Variants in BANP observed in about 807,000 individuals in gnomAD.
BANP encodes the protein protein BANP.
A neutral mutation model predicts 68.1 loss-of-function variants in BANP; 11 were observed. The observed-to-expected ratio is 0.16, with a 90% confidence interval of 0.10 to 0.27. BANP has a LOEUF of 0.27. BANP is among the 10% of genes least tolerant of loss of function. The pLI, the probability that BANP is intolerant of heterozygous loss-of-function variation, is 1.00. For missense variants in BANP, 504 were observed against 722.7 expected (o/e 0.70, Z 3.47); for synonymous variants, 329 against 303.2 (o/e 1.09, Z -0.88).
chr16:88,076,254 C>T (rs1599209748), intron 13 of BANP, among the ~76,000 whole-genome samples: 1 of 152,206 alleles, frequency 6.6e-6, no homozygotes, highest in East Asian at 1.9e-4. Context: ...AGGATGTTCT[C>T]CACTTCCAGG....
At chr16:87,985,281 T>A (rs948124029) in intron 4 of BANP, among the ~76,000 whole-genome samples, 2 of 152,174 alleles carry the variant, frequency 1.3e-5, no homozygotes, top group African/African-American at 4.8e-5. Context: ...CCGGCCGTCT[T>A]CCGAGCTCCG....
Position 88,076,752 on chromosome 16 carries a change from G to C in BANP, c.*91G>C. ...CTCTCACGGCCTCGGCACAGGCAGC[G>C]GCTGCACGTGTTCTGCTGAAGTGCG... On this transcript the variant is annotated 3_prime_UTR_variant, in exon 14 of 14. Transcript: ENST00000682872. 1 of 1,068,600 alleles carries C rather than the reference G, an allele frequency of 9.4e-7. No individual in the cohort carries two copies. Among genetic ancestry groups the C allele is most frequent in the South Asian group, 1.5e-5 (1 of 65,174 alleles). 66.2% of individuals were successfully genotyped at this position (1,068,600 alleles called of 1,614,324 possible).
chr16:88,075,861 C>T (rs2091497361), intron 13 of BANP, among the ~76,000 whole-genome samples: 1 of 151,528 alleles, frequency 6.6e-6, no homozygotes. Context: ...ATTCTCCTAC[C>T]TCAGCTTCCC....
At chr16:88,029,597 CA>C (rs997277270) in intron 8 of BANP, among the ~76,000 whole-genome samples, 2 of 128,604 alleles carry the variant, frequency 1.6e-5, no homozygotes, top group African/African-American at 5.5e-5. Flanking sequence ...GGCTACAGAG[CA>C]AGACTCCGTC....
intron 8 of BANP, among the ~76,000 whole-genome samples, chr16:88,030,554 C>G (rs557246989): frequency 6.6e-6 from 1 of 152,328 alleles, no homozygotes; most frequent in African/African-American, 2.4e-5. Context: ...TGTTATATAA[C>G]CTGACGACTG....
Position 87,985,106 on chromosome 16 carries a change from C to T in BANP, c.362+847C>T, listed in dbSNP as rs556300795. Among the ~76,000 whole-genome samples the T allele has an allele frequency of 1.5e-3, 224 of 152,302 alleles. 2 individuals carry two copies. Among genetic ancestry groups the T allele is most frequent in the South Asian group, 8.5e-3 (41 of 4,832 alleles). ...AAGCCTGGAGGGACTGTTGTGACCT[C>T]GCTGCCCGTGTGTGCTGGTGGCTGG... On this transcript the variant is annotated intron_variant, in intron 4 of 13. Coordinates refer to ENST00000682872, the MANE Select transcript of BANP (RefSeq NM_001386991.1).
At chr16:87,963,639 G>A (rs995086515) in intron 1 of BANP, among the ~76,000 whole-genome samples, 1 of 152,196 alleles carries the variant, frequency 6.6e-6, no homozygotes, top group East Asian at 1.9e-4. Context: ...TATGAAGAAT[G>A]TCTGCCCTAA....
chr16:88,018,116 T>C lies in BANP; in HGVS notation c.656-312T>C, dbSNP rs2075009363. ...CAACTGTGTGCAAGGATATCGGTAT[T>C]GCTGGGGTCCCGGGTCCAGGGTGAG... On this transcript the variant is annotated intron_variant, in intron 6 of 13. Coordinates refer to ENST00000682872, the MANE Select transcript of BANP (RefSeq NM_001386991.1). The surrounding 1 kb of genome is among the most constrained non-coding windows in gnomAD (Gnocchi z 7.7). Among the ~76,000 whole-genome samples, 1 of 152,014 alleles carries C rather than the reference T, an allele frequency of 6.6e-6. No individual in the cohort carries two copies. Among genetic ancestry groups the C allele is most frequent in the Non-Finnish European group, 1.5e-5 (1 of 68,002 alleles).
chr16:87,949,970 C>T (rs865946909), upstream of BANP, among the ~76,000 whole-genome samples: 23 of 151,930 alleles, frequency 1.5e-4, no homozygotes, highest in Middle Eastern at 6.8e-3. Context: ...CTCCGCCTCC[C>T]GGGTTCACGC....
chr16:88,070,467 G>GC (rs2090021625), intron 12 of BANP, among the ~76,000 whole-genome samples: 1 of 152,170 alleles, frequency 6.6e-6, no homozygotes, highest in Admixed American at 6.5e-5. Flanking sequence ...AAATCCCGAG[G>GC]CAGAAGGTCG....
intron 6 of BANP, among the ~76,000 whole-genome samples, chr16:88,010,718 C>T (rs895841130): frequency 3.9e-5 from 6 of 152,274 alleles, no homozygotes; most frequent in Non-Finnish European, 7.3e-5. Context: ...TCACACACAT[C>T]GCAGTCCACG....
intron 1 of BANP, among the ~76,000 whole-genome samples, chr16:87,970,322 G>A (rs1016676861): frequency 2.6e-5 from 4 of 152,166 alleles, no homozygotes; most frequent in African/African-American, 9.7e-5. Flanking sequence ...GTTCGGTAGG[G>A]GAGCCTCCCA....
Position 88,036,297 on chromosome 16 carries a change from C to A in BANP, c.1272+903C>A, listed in dbSNP as rs1456475021. Among the ~76,000 whole-genome samples, 3 of 152,188 alleles carry A rather than the reference C, an allele frequency of 2.0e-5. No individual in the cohort carries two copies. Among genetic ancestry groups the A allele is most frequent in the Admixed American group, 2.0e-4 (3 of 15,288 alleles). On this transcript the variant is annotated intron_variant, in intron 10 of 13. Transcript: ENST00000682872. This position sits in a 1 kb window ranked among gnomAD's most constrained non-coding sequence, Gnocchi z 4.2. ...AAGATCTCAGGCTTCCCCACACACA[C>A]CAGCAGCAGAGACTAGGAAGCCCGG...
intron 7 of BANP, among the ~76,000 whole-genome samples, chr16:88,026,017 C>T (rs1266665839): frequency 2.0e-5 from 3 of 152,212 alleles, no homozygotes; most frequent in Non-Finnish European, 4.4e-5. Context: ...AGTGGCCGGG[C>T]GTGCAGTGGG....
chr16:88,040,154 G>C (rs543198335), intron 11 of BANP, among the ~76,000 whole-genome samples: 2 of 152,242 alleles, frequency 1.3e-5, no homozygotes, highest in South Asian at 4.1e-4. Context: ...TCTTGGGAAG[G>C]AAACTGCTGT....
intron 4 of BANP, among the ~76,000 whole-genome samples, chr16:87,999,457 G>A (rs8045287): frequency 1.4e-4 from 1 of 6,910 alleles, no homozygotes; most frequent in African/African-American, 9.7e-4. Context: ...TGCGCGGCTG[G>A]ACTTACCTGT....
chr16:87,953,652 C>G (rs976761604), intron 1 of BANP, among the ~76,000 whole-genome samples: 4 of 152,174 alleles, frequency 2.6e-5, no homozygotes, highest in African/African-American at 9.7e-5. Flanking sequence ...TTGAGTGTTT[C>G]CCTTCCTGTA....
intron 6 of BANP, among the ~76,000 whole-genome samples, chr16:88,014,258 G>A (rs1027718241): frequency 1.1e-4 from 17 of 152,206 alleles, no homozygotes; most frequent in Non-Finnish European, 2.1e-4. Flanking sequence ...GGCACGGCCA[G>A]CCTTGGGTGC....
intron 1 of BANP, among the ~76,000 whole-genome samples, chr16:87,974,370 A>G (rs1377519427): frequency 6.6e-6 from 1 of 152,054 alleles, no homozygotes; most frequent in Non-Finnish European, 1.5e-5. Flanking sequence ...AGGCTCGGGG[A>G]CAGCCCCGCC....
Sources: gnomAD v4.1 joint callset for allele counts (sites outside exome capture counted in the v4.1 genomes callset) on GRCh38, gnomAD v4.1.1 for gene constraint, Gnocchi (gnomAD v3.1) non-coding constraint, MANE v1.5 for transcripts, NCBI Gene and HGNC (gene_info 2026-07-23, HGNC 2026-07-21) for gene names.